Variants in ATP10B observed in about 807,000 individuals in gnomAD.
The protein encoded by ATP10B is phospholipid-transporting ATPase VB.
In ATP10B, 122 loss-of-function variants were observed where a neutral mutation model predicts 141.2. The observed-to-expected ratio is 0.86, with a 90% CI of 0.75 to 1.00. The LOEUF is 1.00. ATP10B is among the 50% of genes least tolerant of loss of function. The pLI, the probability that ATP10B is intolerant of heterozygous loss-of-function variation, is 0.00. For synonymous variants in ATP10B, 685 were observed against 692.0 expected, an observed-to-expected ratio of 0.99 and a Z score of 0.16; for missense variants, 1,876 against 1,825.3, an observed-to-expected ratio of 1.03 and a Z score of -0.51.
chr5:160,838,975 C>CA (rs1340445218), intron 1 of ATP10B, among the ~76,000 whole-genome samples: 6 of 152,118 alleles, frequency 3.9e-5, no homozygotes, highest in African/African-American at 1.4e-4. Flanking sequence ...CTCTTGCTCC[C>CA]ACTCTTGCCA....
rs1273164284 is a variant in ATP10B, at chr5:160,755,837, AAATATATATATATATATATATATAT to A, written c.-331+29697_-331+29721del. Among the ~76,000 whole-genome samples the A allele has an allele frequency of 3.0e-3, 133 of 44,596 alleles. 1 individual carries two copies. Among genetic ancestry groups the A allele is most frequent in the Non-Finnish European group, 4.2e-3 (113 of 27,032 alleles). 29.3% of individuals were successfully genotyped at this position (44,596 alleles called of 152,430 possible). A position where few individuals can be genotyped will look rare whatever the true frequency, so the allele number is the denominator to read the frequency against. On this transcript the variant is annotated intron_variant, in intron 2 of 25. Coordinates refer to ENST00000327245, the MANE Select transcript of ATP10B (RefSeq NM_025153.3). ...CTCAAAAAAAAAAAAAAAAAAAAAA[AAATATATATATATATATATATATAT>A]ATATATATATATATATTATAATTTT...
the ATP10B span, among the ~76,000 whole-genome samples, chr5:160,860,787 G>A: frequency 6.6e-6 from 1 of 151,938 alleles, no homozygotes; most frequent in African/African-American, 2.4e-5. Context: ...TTCATTGGCA[G>A]CATTCAAACA....
At chr5:160,913,835 A>G in the ATP10B span, among the ~76,000 whole-genome samples, 2 of 152,218 alleles carry the variant, frequency 1.3e-5, no homozygotes, top group Non-Finnish European at 2.9e-5. Context: ...TACCCAGTCC[A>G]ATCTCTTAGC....
chr5:160,632,546 C>A, intron 12 of ATP10B, 179 bp from the exon 13 acceptor site: 1 of 512,522 alleles, frequency 2.0e-6, no homozygotes. Flanking sequence ...CCCACAGATT[C>A]AAACTCTAGT....
At chr5:160,904,549 T>G in the ATP10B span, among the ~76,000 whole-genome samples, 1 of 152,200 alleles carries the variant, frequency 6.6e-6, no homozygotes, top group Non-Finnish European at 1.5e-5. Flanking sequence ...TCAGCTAATG[T>G]GATACCTTGT....
At chr5:160,814,481 T>C (rs1361889745) in intron 1 of ATP10B, among the ~76,000 whole-genome samples, 1 of 151,006 alleles carries the variant, frequency 6.6e-6, no homozygotes, top group African/African-American at 2.4e-5. Flanking sequence ...AATATGGGAC[T>C]ATGTGAAAAG....
At chr5:160,921,694 G>A in the ATP10B span, among the ~76,000 whole-genome samples, 1 of 152,216 alleles carries the variant, frequency 6.6e-6, no homozygotes, top group African/African-American at 2.4e-5. Flanking sequence ...AAATGACAAT[G>A]TCTTATAGTT....
intron 2 of ATP10B, among the ~76,000 whole-genome samples, chr5:160,762,212 A>G (rs909123108): frequency 1.3e-5 from 2 of 152,256 alleles, no homozygotes; most frequent in South Asian, 4.1e-4. Flanking sequence ...AAGAAGCTCA[A>G]TGAACACTTG....
At chr5:160,608,502 C>T (rs1030775346) in intron 18 of ATP10B, among the ~76,000 whole-genome samples, 4 of 152,158 alleles carry the variant, frequency 2.6e-5, no homozygotes, top group Admixed American at 1.3e-4. Context: ...GAGGAATCGC[C>T]GCACTGTCTT....
intron 3 of ATP10B, among the ~76,000 whole-genome samples, chr5:160,695,897 A>C (rs1026044307): frequency 1.3e-5 from 2 of 152,298 alleles, no homozygotes; most frequent in Admixed American, 6.5e-5. Flanking sequence ...GGAAAAAAAA[A>C]GAAAAGATTT....
At position 160,640,552 on chromosome 5, in the gene ATP10B, C is replaced by T. The variant is rs754622611; in HGVS notation, c.909G>A (p.Arg303=). 22 of 1,613,974 alleles carry T rather than the reference C, an allele frequency of 1.4e-5. No individual in the cohort carries two copies. The Middle Eastern group carries it at 1.5e-3, about 109-fold the overall frequency. Residue 303 remains arginine (R), a synonymous_variant, in exon 10 of 26, where the codon CGG becomes CGA. Coordinates refer to ENST00000327245, the MANE Select transcript of ATP10B (RefSeq NM_025153.3). ...GCCGCTCAATCTTGCTGCGTTTGTA[C>T]CGGGGGCCACTGTTGTTCAGCATGG... ...TKAMLNNSGP[R]YKRSKIERRM...
At chr5:160,620,021 T>G (rs1028079278) in intron 15 of ATP10B, among the ~76,000 whole-genome samples, 1 of 152,212 alleles carries the variant, frequency 6.6e-6, no homozygotes, top group African/African-American at 2.4e-5. Context: ...CATGGTAAGA[T>G]AATGGATGTT....
chr5:160,918,029 C>A, the ATP10B span, among the ~76,000 whole-genome samples: 1 of 152,192 alleles, frequency 6.6e-6, no homozygotes, highest in African/African-American at 2.4e-5. Flanking sequence ...CCTCATAGGA[C>A]CACAGTGAGG....
At chr5:160,759,902 A>G (rs1482863733) in intron 2 of ATP10B, among the ~76,000 whole-genome samples, 1 of 152,242 alleles carries the variant, frequency 6.6e-6, no homozygotes, top group South Asian at 2.1e-4. Context: ...GCTGTGCTCC[A>G]GAATTTGCTT....
chr5:160,575,852 G>A (rs1011039633), intron 24 of ATP10B, among the ~76,000 whole-genome samples: 2 of 152,152 alleles, frequency 1.3e-5, no homozygotes, highest in Non-Finnish European at 1.5e-5. Context: ...CTAGAGGTAG[G>A]ATTAGCTTCA....
intron 1 of ATP10B, among the ~76,000 whole-genome samples, chr5:160,831,060 ACTCTCATCTTT>A (rs1775043891): frequency 6.7e-6 from 1 of 150,356 alleles, no homozygotes; most frequent in Non-Finnish European, 1.5e-5. Flanking sequence ...GCTTATATTA[ACTCTCATCTTT>A]GTCACTTATT....
chr5:160,802,059 A>G (rs1344993058), intron 1 of ATP10B, among the ~76,000 whole-genome samples: 1 of 152,188 alleles, frequency 6.6e-6, no homozygotes, highest in African/African-American at 2.4e-5. Flanking sequence ...CTGTGTCTGT[A>G]GAGGTGTTGG....
At chr5:160,798,744 ATTT>A (rs35866347) in intron 1 of ATP10B, among the ~76,000 whole-genome samples, 237 of 102,480 alleles carry the variant, frequency 2.3e-3, no homozygotes, top group East Asian at 0.011. Context: ...CTTTTTCTCT[ATTT>A]TTTTTTTTTT....
chr5:160,638,565 A>T (rs1759593474), intron 10 of ATP10B, among the ~76,000 whole-genome samples: 2 of 152,048 alleles, frequency 1.3e-5, no homozygotes, highest in Admixed American at 6.5e-5. Flanking sequence ...CCTCAAGTGG[A>T]GTGCTATTAG....
Sources: gnomAD v4.1 joint callset for allele counts (sites outside exome capture counted in the v4.1 genomes callset) on GRCh38, gnomAD v4.1.1 for gene constraint, MANE v1.5 for transcripts, NCBI Gene and HGNC (gene_info 2026-07-23, HGNC 2026-07-21) for gene names.